The following MARK3 variants were observed in gnomAD, a reference collection of about 807,000 sequenced individuals.
The protein encoded by MARK3 is MAP/microtubule affinity-regulating kinase 3.
In MARK3, 46 loss-of-function variants were observed where a neutral mutation model predicts 90.1. The ratio of observed to expected loss-of-function variants is 0.51; its 90% CI spans 0.40 to 0.65. The LOEUF (loss-of-function observed/expected upper bound fraction) is 0.65, where lower values mean the gene tolerates loss of function less well. MARK3 is among the 30% of genes least tolerant of loss of function. MARK3 has a pLI of 0.00. For synonymous variants in MARK3, 321 were observed against 332.6 expected, an observed-to-expected ratio of 0.97 and a Z score of 0.38; for missense variants, 818 against 947.2, an observed-to-expected ratio of 0.86 and a Z score of 1.79.
intron 7 of MARK3, 24 bp downstream of exon 7, chr14:103,462,485 T>C (rs769585605): frequency 2.0e-5 from 31 of 1,560,820 alleles, no homozygotes; most frequent in Middle Eastern, 3.4e-4. Flanking sequence ...CCTCACTCAG[T>C]GTATGCTCTG....
rs138663986 is a variant in MARK3 at position 103,469,295 on chromosome 14, C to T, written c.1264+1109C>T. ...CTCCCAGGTCCCAGCAGTTCTCCTG[C>T]CTCAGCCTCCTGAGTAGCTGGGATT... On this transcript the variant is annotated intron_variant, in intron 12 of 17. Coordinates refer to ENST00000429436, the MANE Select transcript of MARK3 (RefSeq NM_001128918.3). 671 of 151,760 alleles carry T rather than the reference C, an allele frequency of 4.4e-3. 3 individuals are homozygous for T. Among genetic ancestry groups the T allele is most frequent in the Middle Eastern group, 0.014 (4 of 292 alleles). The allele number at this position is 151,760 out of a possible 1,614,324, so 9.4% of individuals were successfully genotyped here.
At chr14:103,403,327 TGTGTG>T (rs1485665365) in intron 1 of MARK3, among the ~76,000 whole-genome samples, 1 of 248 alleles carries the variant, frequency 4.0e-3, no homozygotes, top group Non-Finnish European at 0.012. Flanking sequence ...AGTGCCTGGT[TGTGTG>T]TGTGTGTGTG....
At chr14:103,450,916 G>GTGTGTTT (rs1358062005) in intron 4 of MARK3, among the ~76,000 whole-genome samples, 2 of 58,128 alleles carry the variant, frequency 3.4e-5, no homozygotes, top group Non-Finnish European at 3.5e-5. Context: ...GTGTGTGTGT[G>GTGTGTTT]TATTCTTTTT....
intron 14 of MARK3, among the ~76,000 whole-genome samples, chr14:103,488,814 G>C (rs529169714): frequency 6.6e-6 from 1 of 152,308 alleles, no homozygotes; most frequent in East Asian, 1.9e-4. Flanking sequence ...TCTAGCCTGG[G>C]TGAATACAGC....
At position 103,498,518 on chromosome 14, in the gene MARK3, T is replaced by C; in HGVS notation, c.1861T>C (p.Phe621Leu). 7.3e-7 allele frequency: 1 copy of C among 1,369,364 alleles called. No individual in the cohort carries two copies. Among genetic ancestry groups the C allele is most frequent in the African/African-American group, 1.5e-5 (1 of 65,164 alleles). The allele number at this position is 1,369,364 out of a possible 1,614,324, so 84.8% of individuals were successfully genotyped here. A position where few individuals can be genotyped will look rare whatever the true frequency, so the allele number is the denominator to read the frequency against. ...KLTRRNMSFR[F>L]IKRLPTEYER... is the part of the protein sequence containing the mutation. ...TTCTTTTAGAAACATGTCATTCAGG[T>C]TTATCAAAAGGTAGGATTTATATAT... Residue 621 changes from phenylalanine (F) to leucine (L), a missense_variant, in exon 16 of 18, where the codon TTT becomes CTT. Transcript: ENST00000429436.
chr14:103,483,103 C>CTCA (rs1457082512), intron 14 of MARK3, among the ~76,000 whole-genome samples: 1 of 152,176 alleles, frequency 6.6e-6, no homozygotes, highest in Non-Finnish European at 1.5e-5. Flanking sequence ...AAAATTGATG[C>CTCA]TTGAGTCTTC....
chr14:103,410,257 G>C (rs1595524829), intron 2 of MARK3, among the ~76,000 whole-genome samples: 1 of 152,172 alleles, frequency 6.6e-6, no homozygotes, highest in East Asian at 1.9e-4. Context: ...TACATGAAGG[G>C]CGTGATGGAA....
intron 6 of MARK3, among the ~76,000 whole-genome samples, chr14:103,461,703 A>G (rs577392108): frequency 6.6e-6 from 1 of 152,272 alleles, no homozygotes; most frequent in East Asian, 1.9e-4. Flanking sequence ...GCAACTCTCT[A>G]ACCGCTGGTT....
chr14:103,415,121 C>G (rs1323038210), intron 2 of MARK3, among the ~76,000 whole-genome samples: 1 of 131,844 alleles, frequency 7.6e-6, no homozygotes, highest in Non-Finnish European at 1.5e-5. Flanking sequence ...CAGTACACTC[C>G]AGCCTGGCAA....
chr14:103,404,835 C>T (rs1208729387), intron 1 of MARK3, among the ~76,000 whole-genome samples: 5 of 152,128 alleles, frequency 3.3e-5, no homozygotes, highest in African/African-American at 1.2e-4. Context: ...ATGACAGCCA[C>T]GTATGCAAAA....
intron 1 of MARK3, 141 bp downstream of exon 1, chr14:103,386,221 G>T: frequency 1.2e-6 from 1 of 820,432 alleles, no homozygotes; most frequent in Non-Finnish European, 2.1e-6. Flanking sequence ...GAGGCAGCCA[G>T]GTCGGACCGT....
intron 2 of MARK3, among the ~76,000 whole-genome samples, chr14:103,408,824 C>A (rs1021678141): frequency 3.3e-5 from 5 of 152,128 alleles, no homozygotes; most frequent in African/African-American, 1.2e-4. Context: ...TGATAAAATT[C>A]TTGTGGATTT....
chr14:103,429,713 TC>T (rs961408526), intron 3 of MARK3, among the ~76,000 whole-genome samples: 1 of 152,176 alleles, frequency 6.6e-6, no homozygotes, highest in Non-Finnish European at 1.5e-5. Context: ...TCCTTAAACT[TC>T]CATATCTTCA....
At chr14:103,413,809 C>T (rs2091804310) in intron 2 of MARK3, among the ~76,000 whole-genome samples, 1 of 151,956 alleles carries the variant, frequency 6.6e-6, no homozygotes, top group African/African-American at 2.4e-5. Flanking sequence ...TGGTATGTAA[C>T]CTTTTGAAAC....
chr14:103,448,403 C>T lies in MARK3; in HGVS notation c.298-516C>T, dbSNP rs1019653774. 4.6e-5 allele frequency among the ~76,000 whole-genome samples: 7 copies of T among 152,170 alleles called. No individual in the cohort carries two copies. The South Asian group carries it at 1.2e-3, about 27-fold the overall frequency. On this transcript the variant is annotated intron_variant, in intron 3 of 17. Coordinates refer to ENST00000429436, the MANE Select transcript of MARK3 (RefSeq NM_001128918.3). The stretch of plus-strand genomic sequence containing the variant: ...TCATGAGGGTCACTAATGTAATAGT[C>T]ACCACAACCTCCATGCTAAGTTACC...
chr14:103,412,283 CAT>C (rs1477840203), intron 2 of MARK3: 1 of 662,518 alleles, frequency 1.5e-6, no homozygotes, highest in East Asian at 2.6e-5. Context: ...CACAGCCAAA[CAT>C]AACATGTTCA....
At chr14:103,393,763 T>C (rs1283957606) in intron 1 of MARK3, among the ~76,000 whole-genome samples, 1 of 29,490 alleles carries the variant, frequency 3.4e-5, no homozygotes. Context: ...ATTTTATTAC[T>C]TTTTTTTTTT....
chr14:103,463,191 G>A (rs542377449), intron 7 of MARK3, among the ~76,000 whole-genome samples: 1 of 150,346 alleles, frequency 6.7e-6, no homozygotes, highest in Admixed American at 6.6e-5. Flanking sequence ...TCCTCTTTCA[G>A]ATACACGCTT....
In MARK3 at chr14:103,480,359, T is replaced by G. The variant is rs765069781; in HGVS notation, c.1483-28T>G. On this transcript the variant is annotated intron_variant, in intron 13 of 17. Transcript: ENST00000429436. ...CATTGTACTGTATTTACCAAATAAA[T>G]TTAAGACAAAAATGCCCTTTTTTAT... 3.6e-6 allele frequency: 5 copies of G among 1,377,256 alleles called. No homozygotes were observed. In the African/African-American group the frequency reaches 7.2e-5, roughly 20 times the overall value. 85.3% of individuals were successfully genotyped at this position (1,377,256 alleles called of 1,614,324 possible). A position where few individuals can be genotyped will look rare whatever the true frequency, so the allele number is the denominator to read the frequency against.
Sources: allele counts gnomAD v4.1 joint callset (sites outside exome capture counted in the v4.1 genomes callset), GRCh38; gene constraint gnomAD v4.1.1; transcripts MANE v1.5; gene names NCBI Gene and HGNC (gene_info 2026-07-23, HGNC 2026-07-21).